SDR16C5: variants seen among roughly 807,000 people sequenced by gnomAD.
SDR16C5 encodes the protein epidermal retinol dehydrogenase 2.
In SDR16C5, 20 loss-of-function variants were observed where a neutral mutation model predicts 27.7. That is an observed-to-expected ratio of 0.72 (90% CI 0.51 to 1.05). The LOEUF is 1.05. Ranked by LOEUF, SDR16C5 falls within the 50% of genes least tolerant of loss-of-function variation. SDR16C5 has a pLI of 0.00. For synonymous variants in SDR16C5, 139 were observed against 132.3 expected (o/e 1.05, Z -0.35); for missense variants, 374 against 366.3 (o/e 1.02, Z -0.17).
At chr8:56,309,584 C>A in intron 3 of SDR16C5, 3 of 984,712 alleles carry the variant, frequency 3.0e-6, no homozygotes, top group Non-Finnish European at 3.6e-6. Context: ...TGATTGGGGG[C>A]CTGGAGAAAG....
intron 6 of SDR16C5, among the ~76,000 whole-genome samples, chr8:56,304,518 G>C (rs568564897): frequency 6.6e-6 from 1 of 152,082 alleles, no homozygotes; most frequent in African/African-American, 2.4e-5. Flanking sequence ...AGCAGGGAAG[G>C]GTGCACAAGA....
At chr8:56,308,778 A>C (rs1814949817) in intron 4 of SDR16C5, 150 bp downstream of exon 4, 2 of 547,300 alleles carry the variant, frequency 3.7e-6, no homozygotes, top group South Asian at 5.9e-5. Context: ...GTTTTGCTAC[A>C]CGATGAAGTT....
Position 56,305,671 on chromosome 8 carries a change from T to C in SDR16C5, c.762A>G (p.Ile254Met). 1 of 1,604,726 alleles carries C rather than the reference T, an allele frequency of 6.2e-7. No homozygotes were observed. Among genetic ancestry groups the C allele is most frequent in the Non-Finnish European group, 8.5e-7 (1 of 1,177,228 alleles). The change falls in exon 6 of 7, where the codon ATA (isoleucine) becomes ATG (methionine). Residue 254 changes from isoleucine to methionine, a missense_variant. By Grantham distance (10) the Ile-to-Met change is conservative. Transcript: ENST00000303749. Reference sequence around the variant, plus strand: ...TTTTTTCTTGTAGAATAGCTTCTACTATTTTTTCAACTGCATATTTTGGTT... The same window carrying C: ...TTTTTTCTTGTAGAATAGCTTCTACCATTTTTTCAACTGCATATTTTGGTT... ...ILEPKYAVEK[I>M]VEAILQEKMY...
At chr8:56,314,526 G>A (rs4737427) in intron 2 of SDR16C5, among the ~76,000 whole-genome samples, 18,583 of 152,194 alleles carry the variant, frequency 0.12, 1,374 homozygotes, top group South Asian at 0.2. Flanking sequence ...TATTGCTTAA[G>A]GCTGGCCAGA....
chr8:56,315,956 G>T, intron 2 of SDR16C5, 59 bp downstream of exon 2: 1 of 1,171,398 alleles, frequency 8.5e-7, no homozygotes. Context: ...CACTGAGAAA[G>T]GCAAGTGAAA....
In SDR16C5 at chr8:56,305,723, C is replaced by T. The variant is rs146992727; in HGVS notation, c.711-1G>A. 78 of 1,577,888 alleles carry T rather than the reference C, an allele frequency of 4.9e-5. No homozygotes were observed. In the East Asian group the frequency reaches 1.7e-3, roughly 34 times the overall value. On this transcript the variant is annotated splice_acceptor_variant, in intron 5 of 6. Coordinates refer to ENST00000303749, the MANE Select transcript of SDR16C5 (RefSeq NM_138969.4). LOFTEE classifies it high-confidence loss of function. ...CAGAATTGGCAACAGAGAAGGACAG[C>T]TAGGATATAAAATGACAACAATTAA...
chr8:56,316,863 CTG>C (rs1815212524), intron 1 of SDR16C5, among the ~76,000 whole-genome samples: 1 of 152,130 alleles, frequency 6.6e-6, no homozygotes, highest in South Asian at 2.1e-4. Flanking sequence ...TATTTAAAAT[CTG>C]AGATTTGAGA....
chr8:56,308,859 A>G, intron 4 of SDR16C5, 69 bp downstream of exon 4: 1 of 1,052,310 alleles, frequency 9.5e-7, no homozygotes. Flanking sequence ...AGTGCTAATT[A>G]TTCAGAGCTA....
At chr8:56,310,128 G>A (rs1221720213) in intron 3 of SDR16C5, among the ~76,000 whole-genome samples, 13 of 91,108 alleles carry the variant, frequency 1.4e-4, no homozygotes, top group African/African-American at 4.4e-4. Flanking sequence ...GGAAGGAGGA[G>A]GAGGAGGGAG....
chr8:56,311,638 C>T (rs1815047383), intron 3 of SDR16C5, among the ~76,000 whole-genome samples: 1 of 152,098 alleles, frequency 6.6e-6, no homozygotes, highest in Non-Finnish European at 1.5e-5. Context: ...CCAGTGGAAC[C>T]TCTAATTTCT....
Position 56,306,762 on chromosome 8 carries a change from T to C in SDR16C5, c.624A>G (p.Thr208=). ...FGFAESVFVE[T]FVQKQKGIKT... is the part of the protein sequence containing the mutation. ...TGATCCCCTTTTGTTTTTGGACAAA[T>C]GTTTCTACAAATACAGATTCAGCAA... The change falls in exon 5 of 7, where the codon ACA becomes ACG. Residue 208 remains threonine (T), a synonymous_variant. Transcript: ENST00000303749. The C allele has an allele frequency of 3.1e-6, 5 of 1,613,614 alleles. No individual in the cohort carries two copies. Among genetic ancestry groups the C allele is most frequent in the Non-Finnish European group, 4.2e-6 (5 of 1,179,906 alleles).
chr8:56,319,169 G>C (rs1482719486), intron 1 of SDR16C5, among the ~76,000 whole-genome samples: 1 of 149,908 alleles, frequency 6.7e-6, no homozygotes, highest in Non-Finnish European at 1.5e-5. Context: ...AGTCCTCTGC[G>C]GGGTGCAAGG....
intron 6 of SDR16C5, chr8:56,303,897 G>T (rs72656049): frequency 2.9e-5 from 20 of 696,922 alleles, no homozygotes; most frequent in Non-Finnish European, 4.5e-5. Context: ...TACAAGCTAC[G>T]ACAAACATTG....
chr8:56,307,899 G>A (rs1336947891), intron 4 of SDR16C5, among the ~76,000 whole-genome samples: 2 of 152,168 alleles, frequency 1.3e-5, no homozygotes, highest in South Asian at 2.1e-4. Context: ...CGAGAGTCCT[G>A]TATCTCAAGA....
At chr8:56,303,287 C>T (rs1474397167) in intron 6 of SDR16C5, among the ~76,000 whole-genome samples, 2 of 150,422 alleles carry the variant, frequency 1.3e-5, no homozygotes, top group African/African-American at 4.9e-5. Flanking sequence ...TGCACTCCAG[C>T]CCGGGTGATG....
At chr8:56,310,184 AAGG>A (rs1814997893) in intron 3 of SDR16C5, among the ~76,000 whole-genome samples, 1 of 9,542 alleles carries the variant, frequency 1.0e-4, no homozygotes, top group Non-Finnish European at 1.8e-4. Flanking sequence ...GAGGAGGAGG[AAGG>A]AGGAGGAGGA....
intron 6 of SDR16C5, chr8:56,303,898 A>G: frequency 2.9e-6 from 2 of 698,094 alleles, no homozygotes; most frequent in South Asian, 3.0e-5. Context: ...ACAAGCTACG[A>G]CAAACATTGT....
At chr8:56,317,277 C>G (rs1213416746) in intron 1 of SDR16C5, among the ~76,000 whole-genome samples, 1 of 152,102 alleles carries the variant, frequency 6.6e-6, no homozygotes, top group African/African-American at 2.4e-5. Context: ...GTGCTGCCCA[C>G]CAAGAAGGCA....
intron 1 of SDR16C5, 115 bp downstream of exon 1, chr8:56,319,944 C>T (rs905846860): frequency 6.6e-6 from 1 of 152,278 alleles, no homozygotes; most frequent in African/African-American, 2.4e-5. Context: ...GCGACCCGCG[C>T]CCCCTTGCGA....
Sources: allele counts gnomAD v4.1 joint callset (sites outside exome capture counted in the v4.1 genomes callset), GRCh38; gene constraint gnomAD v4.1.1; transcripts MANE v1.5; gene names NCBI Gene and HGNC (gene_info 2026-07-23, HGNC 2026-07-21).